MYT1L: variants seen among roughly 807,000 people sequenced by gnomAD.
MYT1L encodes the protein myelin transcription factor 1 like, also known as myelin transcription factor 1-like protein.
In MYT1L, 12 loss-of-function variants were observed where a neutral mutation model predicts 126.7. That is an observed-to-expected ratio of 0.09 (90% CI 0.06 to 0.15). The LOEUF (loss-of-function observed/expected upper bound fraction) is 0.15, where lower values mean the gene tolerates loss of function less well. MYT1L is among the 10% of genes least tolerant of loss of function. The probability of loss-of-function intolerance (pLI) is 1.00; values close to 1 mark genes in which losing one functional copy is unlikely to be tolerated. For synonymous variants in MYT1L, 541 were observed against 604.2 expected, an observed-to-expected ratio of 0.90 and a Z score of 1.53; for missense variants, 979 against 1,585.2, an observed-to-expected ratio of 0.62 and a Z score of 6.49.
intron 3 of MYT1L, among the ~76,000 whole-genome samples, chr2:2,089,553 G>T (rs1293593377): frequency 6.6e-6 from 1 of 152,152 alleles, no homozygotes; most frequent in Non-Finnish European, 1.5e-5. Context: ...TCATTTATAT[G>T]GGGTGTGCAG....
intron 8 of MYT1L, among the ~76,000 whole-genome samples, chr2:1,965,937 G>A (rs1443232404): frequency 1.3e-5 from 2 of 152,248 alleles, no homozygotes; most frequent in Admixed American, 6.5e-5. Flanking sequence ...GTTACGTGCC[G>A]GGTGGCCCTG....
intron 2 of MYT1L, among the ~76,000 whole-genome samples, chr2:2,261,153 G>A (rs967799481): frequency 6.6e-6 from 1 of 151,974 alleles, no homozygotes; most frequent in African/African-American, 2.4e-5. Flanking sequence ...GTGTGTGTGT[G>A]TGTGTGTGTG....
intron 4 of MYT1L, among the ~76,000 whole-genome samples, chr2:2,021,768 G>A (rs2065053505): frequency 6.6e-6 from 1 of 152,096 alleles, no homozygotes; most frequent in Non-Finnish European, 1.5e-5. Flanking sequence ...GTGGTGGTGG[G>A]TGCCTGTACT....
rs113352756 is a variant in MYT1L, at chr2:1,850,710, C to T, written c.2774+931G>A. Among the ~76,000 whole-genome samples the T allele has an allele frequency of 1.8e-3, 279 of 152,238 alleles. 1 individual carries two copies. Among genetic ancestry groups the T allele is most frequent in the Middle Eastern group, 3.4e-3 (1 of 294 alleles). Reference sequence around the variant, plus strand: ...AAGAACAATTCCCCACCATCAGTGTCGGAGCATTTGGATATCCTACCACCC... The same window carrying T: ...AAGAACAATTCCCCACCATCAGTGTTGGAGCATTTGGATATCCTACCACCC... On this transcript the variant is annotated intron_variant, in intron 19 of 24. Transcript: ENST00000647738.
rs536974452 is a variant in MYT1L, at chr2:1,966,363, G to A, written c.152+12802C>T. ...ATCGTTTTAAAAACAAGACAATTCC[G>A]GTTTTGAATAAGAAGGAAGCAATTT... On this transcript the variant is annotated intron_variant, in intron 8 of 24. Coordinates refer to ENST00000647738, the MANE Select transcript of MYT1L (RefSeq NM_001303052.2). Among the ~76,000 whole-genome samples the A allele has an allele frequency of 2.2e-4, 33 of 152,278 alleles. No homozygotes were observed. In the South Asian group the frequency reaches 5.4e-3, roughly 25 times the overall value.
chr2:2,158,252 T>A (rs2087062110), intron 3 of MYT1L, among the ~76,000 whole-genome samples: 1 of 152,026 alleles, frequency 6.6e-6, no homozygotes, highest in Admixed American at 6.6e-5. Flanking sequence ...GATTTTATTT[T>A]AAAAGAAGAA....
chr2:2,162,370 T>C (rs1028688898), intron 3 of MYT1L, among the ~76,000 whole-genome samples: 1 of 151,726 alleles, frequency 6.6e-6, no homozygotes, highest in Non-Finnish European at 1.5e-5. Flanking sequence ...CGGGTAGTAA[T>C]ACAGACAGTG....
At chr2:1,899,487 G>GTGGA (rs1169722489) in intron 14 of MYT1L, among the ~76,000 whole-genome samples, 1 of 152,226 alleles carries the variant, frequency 6.6e-6, no homozygotes, top group African/African-American at 2.4e-5. Flanking sequence ...AGACACCCAA[G>GTGGA]TGGATGCTCA....
Position 1,811,169 on chromosome 2 carries a change from G to A in MYT1L, c.3081-2002C>T, listed in dbSNP as rs547949742. 1 of 152,158 alleles carries A rather than the reference G, an allele frequency of 6.6e-6. No individual in the cohort carries two copies. The highest frequency in any genetic ancestry group is 1.5e-5 in the Non-Finnish European group (1 of 68,024). 9.4% of individuals were successfully genotyped at this position (152,158 alleles called of 1,614,324 possible). On this transcript the variant is annotated intron_variant, in intron 21 of 24. Coordinates refer to ENST00000647738, the MANE Select transcript of MYT1L (RefSeq NM_001303052.2). The surrounding 1 kb of genome is among the most constrained non-coding windows in gnomAD (Gnocchi z 4.4). ...TCGGACTTCCAGTCTCCAGAACTTG[G>A]AGGAATAAATTTCTGGTTTCTATGC...
At chr2:1,957,106 G>C (rs912497223) in intron 8 of MYT1L, among the ~76,000 whole-genome samples, 5 of 152,156 alleles carry the variant, frequency 3.3e-5, no homozygotes, top group African/African-American at 9.7e-5. Context: ...ACAGGGAGGG[G>C]TGCTGCATGT....
intron 4 of MYT1L, among the ~76,000 whole-genome samples, chr2:1,997,872 C>T (rs1463086694): frequency 6.6e-6 from 1 of 152,226 alleles, no homozygotes; most frequent in Non-Finnish European, 1.5e-5. Flanking sequence ...CCTTACAAAA[C>T]ACTTTCTTAC....
At chr2:1,893,584 T>A (rs933218188) in intron 14 of MYT1L, among the ~76,000 whole-genome samples, 1 of 152,164 alleles carries the variant, frequency 6.6e-6, no homozygotes, top group Non-Finnish European at 1.5e-5. Context: ...TATGGTTTTG[T>A]CTGTTGCTAC....
intron 2 of MYT1L, among the ~76,000 whole-genome samples, chr2:2,250,587 G>T (rs995830275): frequency 2.0e-5 from 3 of 149,476 alleles, no homozygotes; most frequent in Non-Finnish European, 3.0e-5. Context: ...GACAAATAAG[G>T]CCTAGTTATT....
chr2:2,082,509 C>T (rs2075945867), intron 3 of MYT1L, among the ~76,000 whole-genome samples: 1 of 152,152 alleles, frequency 6.6e-6, no homozygotes, highest in South Asian at 2.1e-4. Flanking sequence ...GACTGGCATT[C>T]CATGGCCATT....
chr2:1,827,944 G>C (rs1487595278), intron 21 of MYT1L: 1 of 152,242 alleles, frequency 6.6e-6, no homozygotes, highest in Non-Finnish European at 1.5e-5. Context: ...TGAGCTGCAT[G>C]CTTGCTGTGG....
At chr2:1,850,424 C>G (rs2043119781) in intron 19 of MYT1L, among the ~76,000 whole-genome samples, 1 of 152,156 alleles carries the variant, frequency 6.6e-6, no homozygotes, top group Non-Finnish European at 1.5e-5. Context: ...TACAGGGAGA[C>G]TTCACTTTAA....
At chr2:1,890,245 T>G (rs2048686575) in intron 15 of MYT1L, among the ~76,000 whole-genome samples, 1 of 151,930 alleles carries the variant, frequency 6.6e-6, no homozygotes, top group African/African-American at 2.4e-5. Flanking sequence ...AATTTTTGTA[T>G]TTTTTAGTAG....
intron 4 of MYT1L, among the ~76,000 whole-genome samples, chr2:2,004,239 AGGCG>A (rs1228889099): frequency 5.3e-5 from 7 of 132,308 alleles, no homozygotes; most frequent in South Asian, 2.4e-4. Flanking sequence ...TCTTTCCTGC[AGGCG>A]TTCTTTCCTG....
At chr2:1,977,173 TC>T (rs2060250310) in intron 8 of MYT1L, among the ~76,000 whole-genome samples, 1 of 152,184 alleles carries the variant, frequency 6.6e-6, no homozygotes, top group African/African-American at 2.4e-5. Context: ...CCCGAGAGCT[TC>T]CATGACTCCT....
Sources: allele counts gnomAD v4.1 joint callset (sites outside exome capture counted in the v4.1 genomes callset), GRCh38; gene constraint gnomAD v4.1.1; non-coding constraint Gnocchi (gnomAD v3.1); transcripts MANE v1.5; gene names NCBI Gene and HGNC (gene_info 2026-07-23, HGNC 2026-07-21).